Variants in CCDC169 observed in about 807,000 individuals in gnomAD.
CCDC169 encodes the protein coiled-coil domain-containing protein 169.
CCDC169 carries 30 observed loss-of-function variants against 36.0 expected under a neutral mutation model. The observed-to-expected ratio is 0.83, with a 90% CI of 0.62 to 1.13. CCDC169 has a LOEUF of 1.13. Ranked by LOEUF, CCDC169 falls within the 50% of genes most tolerant of loss-of-function variation. The pLI, the probability that CCDC169 is intolerant of heterozygous loss-of-function variation, is 0.00. For missense variants in CCDC169, 245 were observed against 245.9 expected (o/e 1.00, Z 0.03); for synonymous variants, 85 against 81.5 (o/e 1.04, Z -0.23).
chr13:36,248,574 G>A (rs9315402), intron 7 of CCDC169, 32 bp downstream of exon 7: 17 of 1,542,164 alleles, frequency 1.1e-5, no homozygotes, highest in East Asian at 7.4e-5. Context: ...CAAATGTAAC[G>A]AATTAGAAAG....
chr13:36,245,518 G>A (rs934158788), intron 7 of CCDC169, among the ~76,000 whole-genome samples: 2 of 152,022 alleles, frequency 1.3e-5, no homozygotes, highest in Non-Finnish European at 2.9e-5. Context: ...AGTTGGTCTT[G>A]AACTTGAGGC....
intron 4 of CCDC169, among the ~76,000 whole-genome samples, chr13:36,257,176 C>T (rs1209384673): frequency 1.3e-5 from 2 of 152,310 alleles, no homozygotes; most frequent in African/African-American, 4.8e-5. Context: ...TAGAAAGTGA[C>T]ATTACTTATG....
At chr13:36,249,716 G>A (rs1872914099) in intron 6 of CCDC169, among the ~76,000 whole-genome samples, 1 of 147,950 alleles carries the variant, frequency 6.8e-6, no homozygotes, top group Non-Finnish European at 1.5e-5. Flanking sequence ...GTAAAAGAGA[G>A]ATTAAAAATA....
chr13:36,239,592 T>C (rs1042777603), intron 7 of CCDC169, among the ~76,000 whole-genome samples: 2 of 152,238 alleles, frequency 1.3e-5, no homozygotes, highest in Non-Finnish European at 1.5e-5. Context: ...GTAATGATAA[T>C]AGTTAGTGTT....
At chr13:36,285,760 T>A (rs1878176176) in intron 2 of CCDC169, among the ~76,000 whole-genome samples, 1 of 152,116 alleles carries the variant, frequency 6.6e-6, no homozygotes, top group Non-Finnish European at 1.5e-5. Context: ...GTGGCTTTAT[T>A]AACCCCAACA....
chr13:36,255,894 C>G (rs1186166192), intron 4 of CCDC169, among the ~76,000 whole-genome samples: 7 of 152,172 alleles, frequency 4.6e-5, no homozygotes, highest in African/African-American at 1.4e-4. Context: ...CCATTCACTG[C>G]CAAGTCCTCG....
At chr13:36,283,428 T>G (rs974646719) in intron 4 of CCDC169, 41 bp downstream of exon 4, 12 of 1,506,220 alleles carry the variant, frequency 8.0e-6, no homozygotes, top group Non-Finnish European at 1.1e-5. Flanking sequence ...AGACATAATT[T>G]CCTTCAATTA....
At chr13:36,259,649 G>A (rs979465177) in intron 4 of CCDC169, among the ~76,000 whole-genome samples, 1 of 152,016 alleles carries the variant, frequency 6.6e-6, no homozygotes, top group Non-Finnish European at 1.5e-5. Context: ...GGCTGAAGTG[G>A]AGTTACACTC....
chr13:36,241,793 C>T (rs1208674667), intron 7 of CCDC169, among the ~76,000 whole-genome samples: 2 of 152,056 alleles, frequency 1.3e-5, no homozygotes, highest in Non-Finnish European at 2.9e-5. Context: ...GAAAATAATG[C>T]TAAAATGTAT....
At chr13:36,272,515 C>T (rs1876233996) in intron 4 of CCDC169, among the ~76,000 whole-genome samples, 1 of 152,174 alleles carries the variant, frequency 6.6e-6, no homozygotes, top group Non-Finnish European at 1.5e-5. Context: ...TGGGTCACCA[C>T]ACTAACTTTT....
intron 4 of CCDC169, among the ~76,000 whole-genome samples, chr13:36,273,743 A>G (rs1273535953): frequency 1.3e-5 from 2 of 152,188 alleles, no homozygotes; most frequent in Admixed American, 1.3e-4. Context: ...ATTTTTTTGT[A>G]ATGTACTAAT....
intron 7 of CCDC169, among the ~76,000 whole-genome samples, chr13:36,245,579 G>A (rs1003811341): frequency 4.6e-5 from 7 of 152,146 alleles, no homozygotes; most frequent in African/African-American, 1.2e-4. Flanking sequence ...TGATAGGCAT[G>A]AGCCACTGCA....
At chr13:36,258,872 T>C (rs905196881) in intron 4 of CCDC169, among the ~76,000 whole-genome samples, 1 of 152,202 alleles carries the variant, frequency 6.6e-6, no homozygotes, top group Non-Finnish European at 1.5e-5. Flanking sequence ...AAGAACCCTC[T>C]CTTGCAGTCT....
chr13:36,229,977 T>C (rs1053887421), downstream of CCDC169, among the ~76,000 whole-genome samples: 3 of 152,324 alleles, frequency 2.0e-5, no homozygotes, highest in Admixed American at 1.3e-4. Context: ...TAGGGGAAAA[T>C]ATTTACAAAT....
intron 7 of CCDC169, among the ~76,000 whole-genome samples, chr13:36,246,052 G>A (rs1011541585): frequency 6.6e-6 from 1 of 152,154 alleles, no homozygotes; most frequent in African/African-American, 2.4e-5. Context: ...TGTTCTGACT[G>A]CTCTACCAAC....
intron 2 of CCDC169, among the ~76,000 whole-genome samples, chr13:36,287,457 T>G (rs1462315853): frequency 1.3e-5 from 2 of 152,226 alleles, no homozygotes; most frequent in African/African-American, 4.8e-5. Flanking sequence ...CTTTTGTAGG[T>G]CTGTGAGTTT....
chr13:36,282,448 C>A, intron 4 of CCDC169: 1 of 985,304 alleles, frequency 1.0e-6, no homozygotes, highest in Non-Finnish European at 1.2e-6. Context: ...TCGCTGACTC[C>A]TTGATTAGAT....
chr13:36,295,680 C>T, intron 2 of CCDC169, 98 bp downstream of exon 2: 2 of 595,966 alleles, frequency 3.4e-6, no homozygotes, highest in Non-Finnish European at 5.7e-6. Context: ...AATGTTGGTA[C>T]TATTATTCAA....
rs999162191 is a variant in CCDC169 at position 36,231,284 on chromosome 13, T to C, written c.554A>G (p.Tyr185Cys). 6.4e-7 allele frequency: 1 copy of C among 1,551,132 alleles called. No individual in the cohort carries two copies. Among genetic ancestry groups the C allele is most frequent in the African/African-American group, 1.4e-5 (1 of 73,042 alleles). Reference sequence around the variant, plus strand: ...CACTGTCTTCTGCTTAGCTGGATTATATCTTCCACTGAAATAAATAAGTGT... The same window carrying C: ...CACTGTCTTCTGCTTAGCTGGATTACATCTTCCACTGAAATAAATAAGTGT... ...MQENLVKTGRYNPAKQKTVSA... is the reference protein window; with the variant it reads ...MQENLVKTGRCNPAKQKTVSA... The change falls in exon 8 of 8, where the codon TAT (tyrosine) becomes TGT (cysteine). Residue 185 changes from tyrosine to cysteine, a missense_variant. Coordinates refer to ENST00000239859, the MANE Select transcript of CCDC169 (RefSeq NM_001144981.3).
Sources: gnomAD v4.1 joint callset for allele counts (sites outside exome capture counted in the v4.1 genomes callset) on GRCh38, gnomAD v4.1.1 for gene constraint, MANE v1.5 for transcripts, NCBI Gene and HGNC (gene_info 2026-07-23, HGNC 2026-07-21) for gene names.